The following PCDHA10 variants were observed in gnomAD, a reference collection of about 807,000 sequenced individuals.
PCDHA10 encodes the protein protocadherin alpha 10, also known as protocadherin alpha-10.
In PCDHA10, 45 loss-of-function variants were observed where a neutral mutation model predicts 61.2. The observed-to-expected ratio is 0.74, with a 90% CI of 0.58 to 0.94. The LOEUF is 0.94. PCDHA10 is among the 40% of genes least tolerant of loss of function. The pLI, the probability that PCDHA10 is intolerant of heterozygous loss-of-function variation, is 0.00. For missense variants in PCDHA10, 1,278 were observed against 1,236.2 expected, an observed-to-expected ratio of 1.03 and a Z score of -0.51; for synonymous variants, 602 against 548.8, an observed-to-expected ratio of 1.10 and a Z score of -1.35.
chr5:141,010,360 C>T lies in PCDHA10; in HGVS notation c.*423C>T, dbSNP rs1436094767. 22 of 1,488,936 alleles carry T rather than the reference C, an allele frequency of 1.5e-5. No individual in the cohort carries two copies. Among genetic ancestry groups the T allele is most frequent in the Non-Finnish European group, 1.9e-5 (21 of 1,118,260 alleles). The allele number at this position is 1,488,936 out of a possible 1,614,324, so 92.2% of individuals were successfully genotyped here. ...GGCCACTGGGTATGTGTGGCTACCG[C>T]GGGTATGCGAGTGCCAGATATTGGC... On this transcript the variant is annotated 3_prime_UTR_variant, in exon 4 of 4. Coordinates refer to ENST00000307360, the MANE Select transcript of PCDHA10 (RefSeq NM_018901.4).
In PCDHA10 at chr5:140,857,614, G is replaced by A. The variant is rs1554150351; in HGVS notation, c.1566G>A (p.Leu522=). ...GCAAGGTGTACGCGCTGCAGCCGCT[G>A]GACCACGAGGAGCTGGAGCTGCTAC... The part of the protein sequence containing the change: ...ESGKVYALQP[L]DHEELELLQF... The change falls in exon 1 of 4, where the codon CTG becomes CTA. Residue 522 remains leucine (L), a synonymous_variant. Transcript: ENST00000307360. 4 of 1,596,618 alleles carry A rather than the reference G, an allele frequency of 2.5e-6. 1 individual carries two copies. Among genetic ancestry groups the A allele is most frequent in the South Asian group, 1.1e-5 (1 of 90,494 alleles).
intron 3 of PCDHA10, among the ~76,000 whole-genome samples, chr5:140,995,639 A>G (rs1410943855): frequency 6.6e-6 from 1 of 152,190 alleles, no homozygotes; most frequent in Non-Finnish European, 1.5e-5. Context: ...TGGAGTGTTT[A>G]GAAAAGGAGA....
At chr5:140,888,286 C>A (rs1277980750) in intron 1 of PCDHA10, among the ~76,000 whole-genome samples, 7 of 152,080 alleles carry the variant, frequency 4.6e-5, no homozygotes, top group African/African-American at 1.7e-4. Context: ...TCCCCTCTAC[C>A]CCCTACCCAG....
intron 1 of PCDHA10, chr5:140,927,088 T>C (rs1554204002): frequency 6.2e-7 from 1 of 1,612,662 alleles, no homozygotes; most frequent in Admixed American, 1.7e-5. Context: ...CGAGCTCTAC[T>C]TCGGGGTGGA....
intron 1 of PCDHA10, chr5:140,967,956 A>C: frequency 6.2e-7 from 1 of 1,614,172 alleles, no homozygotes; most frequent in Non-Finnish European, 8.5e-7. Context: ...TCAGGCCCCA[A>C]CCGGAAAGTG....
intron 1 of PCDHA10, chr5:140,968,723 GGTA>G (rs1199893104): frequency 9.3e-6 from 15 of 1,613,990 alleles, no homozygotes; most frequent in Non-Finnish European, 1.3e-5. Context: ...AGATGAGAGT[GGTA>G]GCACTTTCAA....
intron 1 of PCDHA10, among the ~76,000 whole-genome samples, chr5:140,889,644 C>A (rs2062317759): frequency 6.6e-6 from 1 of 151,938 alleles, no homozygotes; most frequent in African/African-American, 2.4e-5. Flanking sequence ...TTTGTGTTTG[C>A]AGGAGATGTC....
intron 1 of PCDHA10, chr5:140,871,160 C>G (rs1554165222): frequency 1.2e-6 from 2 of 1,613,470 alleles, no homozygotes; most frequent in South Asian, 1.1e-5. Flanking sequence ...GCGGGCGCCG[C>G]GAGCCCAGAG....
At chr5:140,861,734 A>G in intron 1 of PCDHA10, 1 of 190,940 alleles carries the variant, frequency 5.2e-6, no homozygotes, top group Non-Finnish European at 1.1e-5. Flanking sequence ...GATGACTTAC[A>G]TACTGTGCCG....
rs1411970319 is a variant in PCDHA10, at chr5:140,927,470, G to A, written c.2389-51479G>A. The A allele has an allele frequency of 4.3e-6, 7 of 1,614,054 alleles. 1 individual carries two copies. The highest frequency in any genetic ancestry group is 3.3e-5 in the South Asian group (3 of 91,088). ...TTGGTGTTGGAGAAAGCACTGGATC[G>A]CGAACAGCGCGCCACCCACCTGCTG... On this transcript the variant is annotated intron_variant, in intron 1 of 3. Transcript: ENST00000307360.
chr5:140,994,156 C>T (rs926993777), intron 3 of PCDHA10, among the ~76,000 whole-genome samples: 25 of 152,124 alleles, frequency 1.6e-4, no homozygotes, highest in African/African-American at 4.1e-4. Context: ...GTAGGGTCAA[C>T]GAAGGGGAAG....
At chr5:140,939,011 CT>C (rs1302482579) in intron 1 of PCDHA10, among the ~76,000 whole-genome samples, 3 of 152,262 alleles carry the variant, frequency 2.0e-5, no homozygotes, top group South Asian at 2.1e-4. Flanking sequence ...AGAAGTGTTA[CT>C]TTTCTTTTAC....
intron 1 of PCDHA10, chr5:140,860,501 CA>C (rs2046424429): frequency 6.6e-6 from 1 of 151,970 alleles, no homozygotes; most frequent in Non-Finnish European, 1.5e-5. Context: ...TGTCTACATA[CA>C]AGATAAAACT....
chr5:140,856,154 G>C lies in PCDHA10; in HGVS notation c.106G>C (p.Glu36Gln), dbSNP rs147800828. The stretch of plus-strand genomic sequence containing the variant: ...CGGCCAGCTCCACTACTCAGTCTAC[G>C]AGGAGGCCAGACACGGCACCTTCGT... ...GSGQLHYSVY[E>Q]EARHGTFVGR... Residue 36 changes from glutamate to glutamine, a missense_variant, in exon 1 of 4, where the codon GAG (glutamate) becomes CAG (glutamine). Physicochemically the swap from Glu to Gln is conservative, Grantham distance 29. Transcript: ENST00000307360. 5.9e-5 allele frequency: 95 copies of C among 1,598,194 alleles called. 6 individuals are homozygous for C. The highest frequency in any genetic ancestry group is 7.7e-5 in the Non-Finnish European group (90 of 1,167,888).
At chr5:140,981,665 CCTTT>C (rs1170982670) in intron 2 of PCDHA10, among the ~76,000 whole-genome samples, 2 of 152,092 alleles carry the variant, frequency 1.3e-5, no homozygotes, top group Non-Finnish European at 2.9e-5. Flanking sequence ...TTTCTTCCTT[CCTTT>C]CTTCCTTCCT....
chr5:140,887,707 C>A (rs1554183190), intron 1 of PCDHA10, among the ~76,000 whole-genome samples: 1 of 152,132 alleles, frequency 6.6e-6, no homozygotes, highest in African/African-American at 2.4e-5. Context: ...AACCATACTT[C>A]TTCTAATAGT....
Position 140,881,024 on chromosome 5 carries a change from A to G in PCDHA10, c.2388+22588A>G, listed in dbSNP as rs1330072249. Among the ~76,000 whole-genome samples the G allele has an allele frequency of 1.1e-4, 17 of 152,246 alleles. 1 individual carries two copies. Among genetic ancestry groups the G allele is most frequent in the Admixed American group, 5.2e-4 (8 of 15,290 alleles). ...GAGCAGAGCTATGGAAATAAACCCA[A>G]CAGTCATTTCCTATAGAGTTGTGCA... On this transcript the variant is annotated intron_variant, in intron 1 of 3. Coordinates refer to ENST00000307360, the MANE Select transcript of PCDHA10 (RefSeq NM_018901.4).
At chr5:140,892,641 T>G (rs2063609688) in intron 1 of PCDHA10, among the ~76,000 whole-genome samples, 1 of 152,226 alleles carries the variant, frequency 6.6e-6, no homozygotes. Flanking sequence ...TTGTACATAT[T>G]TATAGGATAC....
chr5:140,876,723 C>T (rs782820769), intron 1 of PCDHA10: 2 of 1,614,130 alleles, frequency 1.2e-6, no homozygotes, highest in African/African-American at 1.3e-5. Flanking sequence ...ACCGCGAGAG[C>T]GTGTCGGCCT....
Sources: gnomAD v4.1 joint callset for allele counts (sites outside exome capture counted in the v4.1 genomes callset) on GRCh38, gnomAD v4.1.1 for gene constraint, MANE v1.5 for transcripts, NCBI Gene and HGNC (gene_info 2026-07-23, HGNC 2026-07-21) for gene names.